Variants in ARB2A observed in about 807,000 individuals in gnomAD.
ARB2A encodes ARB2 cotranscriptional regulator A.
At chr5:93,753,577 G>C in the ARB2A span, among the ~76,000 whole-genome samples, 2 of 152,286 alleles carry the variant, frequency 1.3e-5, no homozygotes, top group South Asian at 4.1e-4. Flanking sequence ...CATCTAAATA[G>C]AGGAACTTCT....
the ARB2A span, among the ~76,000 whole-genome samples, chr5:93,898,743 T>G: frequency 6.6e-6 from 1 of 152,062 alleles, no homozygotes; most frequent in Non-Finnish European, 1.5e-5. Flanking sequence ...TGAAAGCCAG[T>G]GAGAAATTAT....
the ARB2A span, among the ~76,000 whole-genome samples, chr5:93,750,920 C>CTT: frequency 6.6e-6 from 1 of 152,036 alleles, no homozygotes; most frequent in Non-Finnish European, 1.5e-5. Context: ...TGACAGAAGA[C>CTT]TAAATTTCCT....
At chr5:94,002,723 A>G in the ARB2A span, among the ~76,000 whole-genome samples, 27 of 152,046 alleles carry the variant, frequency 1.8e-4, 1 homozygote, top group Admixed American at 1.7e-3. Context: ...AAAAAAGTCA[A>G]CTCTTTTAAA....
the ARB2A span, among the ~76,000 whole-genome samples, chr5:93,894,854 AG>A: frequency 6.6e-6 from 1 of 152,198 alleles, no homozygotes; most frequent in Non-Finnish European, 1.5e-5. Flanking sequence ...ATAAAGTGAC[AG>A]GTTAATTTAC....
chr5:93,678,762 A>T, the ARB2A span, among the ~76,000 whole-genome samples: 3 of 152,186 alleles, frequency 2.0e-5, no homozygotes. Context: ...TCTAAAAAAA[A>T]AAAAAGCAAT....
the ARB2A span, among the ~76,000 whole-genome samples, chr5:93,772,185 T>A: frequency 1.3e-5 from 2 of 152,124 alleles, no homozygotes; most frequent in Admixed American, 1.3e-4. Context: ...AAATCATCAT[T>A]CTCAGTAAAC....
At chr5:93,881,492 T>A in the ARB2A span, 1 of 1,610,610 alleles carries the variant, frequency 6.2e-7, no homozygotes, top group Admixed American at 1.7e-5. Flanking sequence ...TTGCATCATT[T>A]CTTTTTCTCT....
chr5:94,086,368 T>A, the ARB2A span, among the ~76,000 whole-genome samples: 1 of 152,136 alleles, frequency 6.6e-6, no homozygotes, highest in African/African-American at 2.4e-5. Flanking sequence ...GCTGAAAAAT[T>A]CCTACCACCT....
chr5:93,916,756 G>C, the ARB2A span, among the ~76,000 whole-genome samples: 1 of 152,038 alleles, frequency 6.6e-6, no homozygotes, highest in Non-Finnish European at 1.5e-5. Context: ...TCCATACAAT[G>C]GGTGCTTTGT....
At chr5:93,801,080 A>C in the ARB2A span, among the ~76,000 whole-genome samples, 1 of 152,060 alleles carries the variant, frequency 6.6e-6, no homozygotes, top group African/African-American at 2.4e-5. Context: ...CCTTTATCCA[A>C]ATGAATCACA....
chr5:94,090,016 A>G, the ARB2A span, among the ~76,000 whole-genome samples: 1 of 152,208 alleles, frequency 6.6e-6, no homozygotes, highest in African/African-American at 2.4e-5. Flanking sequence ...AATAAGAGCA[A>G]TCCAGAAAAA....
the ARB2A span, among the ~76,000 whole-genome samples, chr5:93,988,165 T>C: frequency 6.6e-6 from 1 of 152,204 alleles, no homozygotes; most frequent in Admixed American, 6.5e-5. Flanking sequence ...TCTTCCTTGC[T>C]TCTGTAATCT....
the ARB2A span, among the ~76,000 whole-genome samples, chr5:93,989,555 T>C: frequency 6.6e-6 from 1 of 152,094 alleles, no homozygotes; most frequent in Non-Finnish European, 1.5e-5. Flanking sequence ...GCACCACTTA[T>C]ATACTACGGA....
At chr5:93,809,121 T>C in the ARB2A span, among the ~76,000 whole-genome samples, 1 of 152,058 alleles carries the variant, frequency 6.6e-6, no homozygotes, top group Non-Finnish European at 1.5e-5. Flanking sequence ...GGGATATTCC[T>C]TGGCAAAACA....
At chr5:93,718,752 C>T in the ARB2A span, among the ~76,000 whole-genome samples, 1 of 152,208 alleles carries the variant, frequency 6.6e-6, no homozygotes, top group Non-Finnish European at 1.5e-5. Flanking sequence ...AATGAGAAGT[C>T]ATACCTTAAC....
the ARB2A span, chr5:93,736,210 C>A: frequency 0.11 from 16,382 of 152,158 alleles, 1,019 homozygotes; most frequent in Middle Eastern, 0.18. Flanking sequence ...AGTAAATAAA[C>A]TGGGAACTCA....
At chr5:93,649,456 G>C in the ARB2A span, among the ~76,000 whole-genome samples, 1 of 152,160 alleles carries the variant, frequency 6.6e-6, no homozygotes, top group Admixed American at 6.5e-5. Context: ...CAAGCAGAAG[G>C]CTGCAATTTT....
the ARB2A span, among the ~76,000 whole-genome samples, chr5:93,851,517 C>A: frequency 6.6e-6 from 1 of 151,894 alleles, no homozygotes; most frequent in East Asian, 1.9e-4. Context: ...GTTAGTTACA[C>A]ATGTATACAT....
the ARB2A span, among the ~76,000 whole-genome samples, chr5:93,655,659 G>T: frequency 1.3e-5 from 2 of 152,106 alleles, no homozygotes; most frequent in Non-Finnish European, 2.9e-5. Flanking sequence ...TTTTCCTGGA[G>T]AAAACAACCT....
Sources: allele counts gnomAD v4.1 joint callset (sites outside exome capture counted in the v4.1 genomes callset), GRCh38; gene constraint gnomAD v4.1.1; transcripts MANE v1.5; gene names NCBI Gene and HGNC (gene_info 2026-07-23, HGNC 2026-07-21).